Variants in AGBL1 observed in about 807,000 individuals in gnomAD.
AGBL1 encodes the protein cytosolic carboxypeptidase 4.
Under a neutral mutation model 118.9 loss-of-function variants are expected in AGBL1, and 130 were observed. The observed-to-expected ratio is 1.09, with a 90% CI of 0.95 to 1.26. The LOEUF (loss-of-function observed/expected upper bound fraction) is 1.26. Among genes scored for constraint, AGBL1 ranks in the 50% most tolerant of loss-of-function variants. The pLI, the probability that AGBL1 is intolerant of heterozygous loss-of-function variation, is 0.00. For synonymous variants in AGBL1, 555 were observed against 478.9 expected, an observed-to-expected ratio of 1.16 and a Z score of -2.08; for missense variants, 1,584 against 1,298.1, an observed-to-expected ratio of 1.22 and a Z score of -3.38.
At chr15:86,328,925 TAGCTGTGCAAGC>T (rs1455970512) in intron 17 of AGBL1, among the ~76,000 whole-genome samples, 8 of 152,230 alleles carry the variant, frequency 5.3e-5, no homozygotes, top group Non-Finnish European at 1.2e-4. Context: ...ACAATTTGCA[TAGCTGTGCAAGC>T]ATTTTAGTCT....
chr15:86,386,802 T>C (rs1442671528), intron 17 of AGBL1, among the ~76,000 whole-genome samples: 1 of 152,128 alleles, frequency 6.6e-6, no homozygotes, highest in Non-Finnish European at 1.5e-5. Flanking sequence ...CCAGCCCTTA[T>C]TTGGCTGGGA....
intron 18 of AGBL1, among the ~76,000 whole-genome samples, chr15:86,520,707 T>G (rs1371786505): frequency 6.6e-6 from 1 of 152,100 alleles, no homozygotes. Flanking sequence ...TTCGTCACAG[T>G]CAGTGTTACA....
chr15:86,319,277 G>A (rs1430188243), intron 17 of AGBL1, among the ~76,000 whole-genome samples: 4 of 152,144 alleles, frequency 2.6e-5, no homozygotes, highest in South Asian at 4.1e-4. Flanking sequence ...ATTACACAGA[G>A]TTAACTTCCT....
intron 18 of AGBL1, among the ~76,000 whole-genome samples, chr15:86,399,608 T>C (rs569373506): frequency 6.6e-6 from 1 of 152,288 alleles, no homozygotes; most frequent in South Asian, 2.1e-4. Flanking sequence ...CCCAAGGCAA[T>C]ATTCAAGCTC....
In AGBL1 at chr15:86,846,533, CTTTG is replaced by C. The variant is rs200071383; in HGVS notation, c.3159-60542_3159-60539del. Among the ~76,000 whole-genome samples the C allele has an allele frequency of 7.8e-3, 1,180 of 151,176 alleles. 48 individuals carry two copies. Among genetic ancestry groups the C allele is most frequent in the Admixed American group, 0.067 (1,011 of 15,202 alleles). ...ATTTGGGTAGTTTTTTTTTGTTGTT[CTTTG>C]TTTGTTTGTTTTGAGACGGAGTCTC... On this transcript the variant is annotated intron_variant, in intron 22 of 22. Transcript: ENST00000614907.
At chr15:86,141,894 A>G in intron 1 of AGBL1, 110 bp from the exon 2 acceptor site, 2 of 1,120,852 alleles carry the variant, frequency 1.8e-6, no homozygotes, top group Non-Finnish European at 2.5e-6. Context: ...CGCTGTAGTT[A>G]ATCTTTCTCC....
chr15:86,651,243 G>A (rs1030947783), intron 21 of AGBL1, among the ~76,000 whole-genome samples: 19 of 152,142 alleles, frequency 1.2e-4, no homozygotes, highest in Non-Finnish European at 5.9e-5. Flanking sequence ...CCATGACTCT[G>A]ATGTGGGCCC....
At chr15:86,122,074 C>T (rs868814780) in intron 1 of AGBL1, among the ~76,000 whole-genome samples, 7 of 152,172 alleles carry the variant, frequency 4.6e-5, no homozygotes, top group African/African-American at 7.2e-5. Flanking sequence ...TTTGAATGTG[C>T]GCTCTCCCTC....
intron 22 of AGBL1, among the ~76,000 whole-genome samples, chr15:86,683,349 T>G (rs775878681): frequency 3.4e-4 from 52 of 152,170 alleles, no homozygotes; most frequent in Non-Finnish European, 5.0e-4. Context: ...CATTATAGGT[T>G]GAATGTGTTG....
chr15:86,630,877 C>G (rs151105659), intron 21 of AGBL1, among the ~76,000 whole-genome samples: 2 of 152,196 alleles, frequency 1.3e-5, no homozygotes, highest in Non-Finnish European at 2.9e-5. Context: ...TGTTCAAACC[C>G]GGAGAGCGCA....
At chr15:86,904,323 G>C (rs928621502) in intron 22 of AGBL1, among the ~76,000 whole-genome samples, 3 of 151,628 alleles carry the variant, frequency 2.0e-5, no homozygotes, top group African/African-American at 7.3e-5. Context: ...CTCCATCCAC[G>C]TTTCAGTGTC....
intron 22 of AGBL1, among the ~76,000 whole-genome samples, chr15:86,789,317 C>G (rs984068645): frequency 6.6e-6 from 1 of 152,160 alleles, no homozygotes; most frequent in African/African-American, 2.4e-5. Context: ...AATGCAGACT[C>G]GGATTATCAA....
chr15:86,609,017 G>A (rs935712637), intron 21 of AGBL1, among the ~76,000 whole-genome samples: 4 of 152,126 alleles, frequency 2.6e-5, no homozygotes, highest in Non-Finnish European at 5.9e-5. Context: ...AGCACACTTT[G>A]CATAATTTTA....
At chr15:86,121,425 A>G (rs1027215449) in intron 1 of AGBL1, among the ~76,000 whole-genome samples, 3 of 152,262 alleles carry the variant, frequency 2.0e-5, no homozygotes, top group Non-Finnish European at 4.4e-5. Flanking sequence ...AAATGTAAAA[A>G]TCACAAAGAA....
At chr15:86,540,976 T>C (rs2142240993) in intron 19 of AGBL1, among the ~76,000 whole-genome samples, 1 of 152,314 alleles carries the variant, frequency 6.6e-6, no homozygotes, top group East Asian at 1.9e-4. Context: ...AAAAGCTATT[T>C]TCTCCAGTTG....
chr15:86,829,538 G>C (rs568386690), intron 22 of AGBL1, among the ~76,000 whole-genome samples: 10 of 152,108 alleles, frequency 6.6e-5, no homozygotes, highest in Non-Finnish European at 1.3e-4. Flanking sequence ...TTCTATGGAA[G>C]AGAACCACTT....
At chr15:86,433,534 A>G (rs1315838536) in intron 18 of AGBL1, among the ~76,000 whole-genome samples, 1 of 152,110 alleles carries the variant, frequency 6.6e-6, no homozygotes, top group Admixed American at 6.5e-5. Context: ...CTTGACTGAC[A>G]GAGCAGCAAC....
intron 18 of AGBL1, among the ~76,000 whole-genome samples, chr15:86,434,734 T>A (rs932007485): frequency 5.3e-5 from 8 of 152,244 alleles, no homozygotes; most frequent in Non-Finnish European, 1.0e-4. Context: ...ATGTCAGAGT[T>A]GATAAGGGAA....
chr15:86,638,513 C>CTGG (rs910941954), intron 21 of AGBL1, among the ~76,000 whole-genome samples: 6 of 152,104 alleles, frequency 3.9e-5, no homozygotes, highest in African/African-American at 1.4e-4. Flanking sequence ...AGCAGTTGCT[C>CTGG]TGGTGGGGTC....
Sources: gnomAD v4.1 joint callset for allele counts (sites outside exome capture counted in the v4.1 genomes callset) on GRCh38, gnomAD v4.1.1 for gene constraint, MANE v1.5 for transcripts, NCBI Gene and HGNC (gene_info 2026-07-23, HGNC 2026-07-21) for gene names.